SYNPO: variants seen among roughly 807,000 people sequenced by gnomAD.
SYNPO encodes the protein synaptopodin.
Under a neutral mutation model 49.5 loss-of-function variants are expected in SYNPO, and 19 were observed. That is an observed-to-expected ratio of 0.38 (90% CI 0.27 to 0.56). SYNPO has a LOEUF of 0.56. Ranked by LOEUF, SYNPO falls within the 20% of genes least tolerant of loss-of-function variation. The pLI is 0.68. For missense variants in SYNPO, 1,131 were observed against 1,248.3 expected, an observed-to-expected ratio of 0.91 and a Z score of 1.42; for synonymous variants, 536 against 548.0, an observed-to-expected ratio of 0.98 and a Z score of 0.31.
intron 2 of SYNPO, among the ~76,000 whole-genome samples, chr5:150,620,154 C>G (rs1757107700): frequency 6.6e-6 from 1 of 152,210 alleles, no homozygotes; most frequent in Admixed American, 6.5e-5. Context: ...CTTTCCTCCT[C>G]TGTGAAAATA....
rs3062133 is a variant in SYNPO at position 150,602,997 on chromosome 5, GGTGTGTGTGTGT to G, written c.-266+1843_-266+1854del. On this transcript the variant is annotated intron_variant, in intron 1 of 2. Coordinates refer to the SYNPO transcript ENST00000394243. ...GTGGAAAGCCCAGTTGCCACCTTAG[GGTGTGTGTGTGT>G]GTGTGTGTGTGTGTGTGTGTGTGTG... 4.0e-4 allele frequency among the ~76,000 whole-genome samples: 52 copies of G among 131,250 alleles called. 1 individual carries two copies. The South Asian group carries it at 4.2e-3, about 11-fold the overall frequency. The allele number at this position is 131,250 out of a possible 152,430, so 86.1% of individuals were successfully genotyped here. A position where few individuals can be genotyped will look rare whatever the true frequency, so the allele number is the denominator to read the frequency against.
At chr5:150,600,433 C>G (rs141478414), upstream of SYNPO, among the ~76,000 whole-genome samples, 7 of 152,358 alleles carry the variant, frequency 4.6e-5, no homozygotes, top group African/African-American at 1.7e-4. Flanking sequence ...GTGGGGATCC[C>G]TCCTGTTGAA....
At chr5:150,629,199 G>C (rs1757459900) in intron 2 of SYNPO, among the ~76,000 whole-genome samples, 1 of 152,116 alleles carries the variant, frequency 6.6e-6, no homozygotes, top group Non-Finnish European at 1.5e-5. Context: ...TTTTAGTAGA[G>C]ACAGTGTCTC....
the SYNPO span, among the ~76,000 whole-genome samples, chr5:150,588,025 A>G: frequency 0.56 from 84,456 of 152,146 alleles, 25,711 homozygotes; most frequent in African/African-American, 0.82. Flanking sequence ...TGTCAGGATG[A>G]ACGCCAGGCC....
intron 1 of SYNPO, among the ~76,000 whole-genome samples, chr5:150,603,703 C>T (rs753815126): frequency 6.6e-6 from 1 of 152,054 alleles, no homozygotes; most frequent in Non-Finnish European, 1.5e-5. Context: ...TTCACAGTCC[C>T]TTCTTGGTGA....
At chr5:150,624,707 C>A (rs1256552343) in intron 2 of SYNPO, 3 of 440,630 alleles carry the variant, frequency 6.8e-6, no homozygotes, top group Non-Finnish European at 9.0e-6. Flanking sequence ...CCAGCGCTCC[C>A]GGCTCCCAGC....
intron 2 of SYNPO, among the ~76,000 whole-genome samples, chr5:150,635,045 G>A (rs1163918923): frequency 1.3e-5 from 2 of 152,228 alleles, no homozygotes; most frequent in Non-Finnish European, 1.5e-5. Flanking sequence ...CCAGGAGCAT[G>A]TGCCCTCAAG....
chr5:150,644,508 T>A (rs1353356282), intron 1 of SYNPO, among the ~76,000 whole-genome samples: 8 of 152,204 alleles, frequency 5.3e-5, no homozygotes, highest in African/African-American at 1.9e-4. Context: ...GGTGACCAAT[T>A]GCCAGCTTAT....
intron 2 of SYNPO, among the ~76,000 whole-genome samples, chr5:150,628,155 G>A (rs919128304): frequency 6.6e-5 from 10 of 152,104 alleles, no homozygotes; most frequent in African/African-American, 2.4e-4. Flanking sequence ...GAAGCAGCCT[G>A]TAGGCCCTGT....
chr5:150,649,122 C>G lies in SYNPO; in HGVS notation c.847C>G (p.Arg283Gly). 1 of 1,614,074 alleles carries G rather than the reference C, an allele frequency of 6.2e-7. No homozygotes were observed. Residue 283 changes from arginine (R) to glycine (G), a missense_variant, in exon 2 of 3, where the codon CGG (arginine) becomes GGG (glycine). By Grantham distance (125) the Arg-to-Gly change is moderately radical. This residue lies in a region of SYNPO where 602 missense variants were observed against 720.7 expected (regional missense o/e 0.84). Coordinates refer to ENST00000307662, the MANE Select transcript of SYNPO (RefSeq NM_007286.6). ...QPPSLPDRSP[R>G]PQRHIMSRSP... Reference sequence around the variant, plus strand: ...CCCCAGTTTGCCAGACAGGAGCCCCCGGCCACAGAGACACATAATGTCCCG... The same window carrying G: ...CCCCAGTTTGCCAGACAGGAGCCCCGGGCCACAGAGACACATAATGTCCCG...
intron 1 of SYNPO, among the ~76,000 whole-genome samples, chr5:150,610,458 C>G (rs117159991): frequency 6.6e-6 from 1 of 152,322 alleles, no homozygotes; most frequent in East Asian, 1.9e-4. Flanking sequence ...CTGTGAGCCT[C>G]TGCTTCCTCA....
intron 2 of SYNPO, 127 bp from the exon 3 acceptor site, chr5:150,656,277 T>C (rs1758546632): frequency 2.7e-6 from 2 of 743,798 alleles, no homozygotes; most frequent in Non-Finnish European, 4.1e-6. Flanking sequence ...TTGCAGGCAC[T>C]ACCTGACTTG....
chr5:150,651,792 C>T (rs1758396048), intron 2 of SYNPO: 1 of 1,000,278 alleles, frequency 1.0e-6, no homozygotes, highest in African/African-American at 1.7e-5. Context: ...CACATTCATA[C>T]AGTGAGGGTG....
chr5:150,596,762 G>A (rs1414445867), upstream of SYNPO, among the ~76,000 whole-genome samples: 1 of 152,164 alleles, frequency 6.6e-6, no homozygotes, highest in Non-Finnish European at 1.5e-5. Context: ...AGCAAGGGTA[G>A]GGGACCCAGA....
intron 1 of SYNPO, among the ~76,000 whole-genome samples, chr5:150,616,317 C>T (rs1051019572): frequency 3.9e-5 from 6 of 152,186 alleles, no homozygotes; most frequent in Non-Finnish European, 7.3e-5. Context: ...CAGACTCTCA[C>T]AATTTTCAGG....
At chr5:150,640,615 G>C, upstream of SYNPO, 1 of 981,718 alleles carries the variant, frequency 1.0e-6, no homozygotes, top group Non-Finnish European at 1.2e-6. Context: ...GAGAGACTGG[G>C]GGTGGAGAGG....
chr5:150,655,482 C>T (rs1263597534), intron 2 of SYNPO, among the ~76,000 whole-genome samples: 1 of 152,244 alleles, frequency 6.6e-6, no homozygotes, highest in African/African-American at 2.4e-5. Flanking sequence ...CCCAGCTCCT[C>T]TCCCTAAGTC....
intron 1 of SYNPO, among the ~76,000 whole-genome samples, chr5:150,611,356 G>A (rs1756840845): frequency 6.6e-6 from 1 of 152,224 alleles, no homozygotes; most frequent in Non-Finnish European, 1.5e-5. Flanking sequence ...ATGAATGACT[G>A]AGTCTCCATT....
upstream of SYNPO, among the ~76,000 whole-genome samples, chr5:150,597,578 C>A (rs568072095): frequency 6.6e-6 from 1 of 152,170 alleles, no homozygotes; most frequent in South Asian, 2.1e-4. Context: ...AGGTGATCCA[C>A]CCACCTCGGC....
Sources: allele counts gnomAD v4.1 joint callset (sites outside exome capture counted in the v4.1 genomes callset), GRCh38; gene constraint gnomAD v4.1.1; regional missense constraint gnomAD v4.1.1; transcripts MANE v1.5; gene names NCBI Gene and HGNC (gene_info 2026-07-23, HGNC 2026-07-21).